ASNSD1: variants seen among roughly 807,000 people sequenced by gnomAD.
ASNSD1 encodes the protein asparagine synthetase domain-containing protein 1.
In ASNSD1, 36 loss-of-function variants were observed where a neutral mutation model predicts 48.3. That is an observed-to-expected ratio of 0.75 (90% confidence interval 0.57 to 0.99). The LOEUF is 0.99. Ranked by LOEUF, ASNSD1 falls within the 50% of genes least tolerant of loss-of-function variation. The probability of loss-of-function intolerance (pLI) is 0.00; values close to 1 mark genes in which losing one functional copy is unlikely to be tolerated. For synonymous variants in ASNSD1, 257 were observed against 262.1 expected (o/e 0.98, Z 0.19); for missense variants, 714 against 758.2 (o/e 0.94, Z 0.69).
rs778737028 is a variant in ASNSD1 at position 189,667,499 on chromosome 2, T to C, written c.1367T>C (p.Leu456Ser). Residue 456 changes from leucine (L) to serine (S), a missense_variant, in exon 4 of 6, where the codon TTG becomes TCG. By Grantham distance (145) the Leu-to-Ser change is moderately radical (BLOSUM62 -2). Coordinates refer to ENST00000260952, the MANE Select transcript of ASNSD1 (RefSeq NM_019048.4). ...TTAATTCGGCCATTGGATACAGTTT[T>C]GGATGATAGCATTGGCTGTGCAGTC... ...CHLIRPLDTV[L>S]DDSIGCAVWF... 8 of 1,614,196 alleles carry C rather than the reference T, an allele frequency of 5.0e-6. No homozygotes were observed. The highest frequency in any genetic ancestry group is 8.5e-7 in the Non-Finnish European group (1 of 1,180,032).
At chr2:189,661,710 C>T (rs2032669061) in intron 1 of ASNSD1, 100 bp downstream of exon 1, 2 of 398,600 alleles carry the variant, frequency 5.0e-6, no homozygotes, top group African/African-American at 4.1e-5. Context: ...CTGCCTGGGC[C>T]TCGGCTTTGC....
In ASNSD1 at chr2:189,667,869, A is replaced by G. The variant is rs749689388; in HGVS notation, c.1570A>G (p.Met524Val). 8 of 1,614,102 alleles carry G rather than the reference A, an allele frequency of 5.0e-6. No homozygotes were observed. In the Admixed American group the frequency reaches 6.7e-5, roughly 13 times the overall value. Residue 524 changes from methionine (M) to valine (V), a missense_variant, in exon 5 of 6, where the codon ATG becomes GTG. Coordinates refer to ENST00000260952, the MANE Select transcript of ASNSD1 (RefSeq NM_019048.4). ...GLEGLNKEIM[M>V]ELGRISSRNL... ...GGAAGGATTGAATAAGGAAATAATG[A>G]TGGAACTGGGTCGAATTTCTTCTAG...
Position 189,666,032 on chromosome 2 carries a change from C to T in ASNSD1, c.-92-9C>T. ...GTTATTTAATATTTATTCTCCTTCC[C>T]TGCAACAGATATATTGGATGAACTG... On this transcript the variant is annotated splice_polypyrimidine_tract_variant and intron_variant, in intron 3 of 5. Coordinates refer to ENST00000260952, the MANE Select transcript of ASNSD1 (RefSeq NM_019048.4). 1.6e-6 allele frequency: 2 copies of T among 1,279,642 alleles called. No homozygotes were observed. Among genetic ancestry groups the T allele is most frequent in the Non-Finnish European group, 2.1e-6 (2 of 943,128 alleles). 79.3% of individuals were successfully genotyped at this position (1,279,642 alleles called of 1,614,324 possible).
Position 189,666,778 on chromosome 2 carries a change from A to T in ASNSD1, c.646A>T (p.Ser216Cys), listed in dbSNP as rs2032815523. The T allele has an allele frequency of 6.2e-7, 1 of 1,613,830 alleles. No homozygotes were observed. The highest frequency in any genetic ancestry group is 1.7e-5 in the Admixed American group (1 of 60,004). The change falls in exon 4 of 6, where the codon AGT becomes TGT. Residue 216 changes from serine (S) to cysteine (C), a missense_variant. Transcript: ENST00000260952. ...TATTGAAGAAAATGTTAATAGCCTG[A>T]GTCAAATTTCAGCAGACTTACCAGC... is the stretch of plus-strand genomic sequence containing the variant. ...NIIEENVNSL[S>C]QISADLPAFV...
Position 189,667,305 on chromosome 2 carries a change from T to A in ASNSD1, c.1173T>A (p.Ala391=), listed in dbSNP as rs777339697. 1.2e-6 allele frequency: 2 copies of A among 1,614,186 alleles called. No homozygotes were observed. Among genetic ancestry groups the A allele is most frequent in the South Asian group, 1.1e-5 (1 of 91,086 alleles). ...AAGAATTCTCTAAAGATGTTGCTGC[T>A]GCTGCTGCTGACAGTCCTAATAAAC... ...PSEEFSKDVA[A]AAADSPNKHV... The change falls in exon 4 of 6, where the codon GCT becomes GCA. Residue 391 remains alanine (A), a synonymous_variant. Transcript: ENST00000260952.
Position 189,661,500 on chromosome 2 carries a change from C to T in ASNSD1, c.-333C>T. On this transcript the variant is annotated 5_prime_UTR_variant, in exon 1 of 6. Coordinates refer to ENST00000260952, the MANE Select transcript of ASNSD1 (RefSeq NM_019048.4). ...GCTCCTTCAGGGCTGAGCCATCCCG[C>T]GTGTCTTGCGCTCGGTGGAAATGCC... The T allele has an allele frequency of 2.5e-6, 1 of 399,214 alleles. No individual in the cohort carries two copies. The allele number at this position is 399,214 out of a possible 1,614,324, so 24.7% of individuals were successfully genotyped here.
Position 189,667,365 on chromosome 2 carries a change from G to A in ASNSD1, c.1233G>A (p.Ala411=), listed in dbSNP as rs766811766. ...TACCAGATCGAATCACAGGAAGGGC[G>A]GGACTAAAGGAACTACAAGCTGTTA... ...VSVPDRITGR[A]GLKELQAVSP... The change falls in exon 4 of 6, where the codon GCG becomes GCA. Residue 411 remains alanine, a synonymous_variant. Coordinates refer to ENST00000260952, the MANE Select transcript of ASNSD1 (RefSeq NM_019048.4). 5.0e-6 allele frequency: 8 copies of A among 1,613,978 alleles called. No individual in the cohort carries two copies. The highest frequency in any genetic ancestry group is 2.7e-5 in the African/African-American group (2 of 74,908).
At chr2:189,665,629 T>C (rs1050403115) in intron 3 of ASNSD1, among the ~76,000 whole-genome samples, 178 bp downstream of exon 3, 3 of 127,550 alleles carry the variant, frequency 2.4e-5, no homozygotes, top group South Asian at 2.3e-4. Flanking sequence ...TATATATATA[T>C]ATATATATAT....
rs749463576 is a variant in ASNSD1 at position 189,666,682 on chromosome 2, A to C, written c.550A>C (p.Lys184Gln). Reference protein sequence around the residue: ...PASGLFRIDLKSTVISGCIIL... With the variant: ...PASGLFRIDLQSTVISGCIIL... ...ATCTGGACTTTTCAGAATTGATCTT[A>C]AGTCTACTGTCATTTCCGGATGCAT... The change falls in exon 4 of 6, where the codon AAG becomes CAG. Residue 184 changes from lysine to glutamine, a missense_variant. Transcript: ENST00000260952. 5.0e-6 allele frequency: 8 copies of C among 1,613,376 alleles called. No individual in the cohort carries two copies. Among genetic ancestry groups the C allele is most frequent in the South Asian group, 1.1e-5 (1 of 91,066 alleles).
rs1332228001 is a variant in ASNSD1 at position 189,667,478 on chromosome 2, T to C, written c.1346T>C (p.Ile449Thr). ...KLRRTRICHL[I>T]RPLDTVLDDS... ...AGAAGAACTCGAATATGTCACTTAATTCGGCCATTGGATACAGTTTTGGAT... is the reference window on the plus strand; with the variant it reads ...AGAAGAACTCGAATATGTCACTTAACTCGGCCATTGGATACAGTTTTGGAT... The change falls in exon 4 of 6, where the codon ATT becomes ACT. Residue 449 changes from isoleucine to threonine, a missense_variant. Transcript: ENST00000260952. 6.2e-7 allele frequency: 1 copy of C among 1,614,218 alleles called. No individual in the cohort carries two copies.
Position 189,667,787 on chromosome 2 carries a change from A to C in ASNSD1, c.1488A>C (p.Ala496=). 1 of 1,613,564 alleles carries C rather than the reference A, an allele frequency of 6.2e-7. No homozygotes were observed. Among genetic ancestry groups the C allele is most frequent in the South Asian group, 1.1e-5 (1 of 90,906 alleles). Residue 496 remains alanine (A), a synonymous_variant, in exon 5 of 6, where the codon GCA becomes GCC. Coordinates refer to ENST00000260952, the MANE Select transcript of ASNSD1 (RefSeq NM_019048.4). ...NAKVVLTGIG[A]DEQLAGYSRH... ...AGGTAGTTCTCACTGGAATTGGTGC[A>C]GATGAGCAACTTGCAGGTTATTCTC... is the stretch of plus-strand genomic sequence containing the variant.
At chr2:189,664,045 A>T (rs41270229) in intron 2 of ASNSD1, 91 bp downstream of exon 2, 1 of 349,950 alleles carries the variant, frequency 2.9e-6, no homozygotes, top group African/African-American at 2.1e-5. Flanking sequence ...ATAAGATTTA[A>T]TCATACTTTA....
intron 2 of ASNSD1, among the ~76,000 whole-genome samples, chr2:189,664,270 C>T (rs4667297): frequency 0.63 from 95,437 of 151,962 alleles, 32,111 homozygotes; most frequent in South Asian, 0.76. Flanking sequence ...TTGATATAAA[C>T]GAACTTTATA....
intron 5 of ASNSD1, 114 bp downstream of exon 5, chr2:189,668,059 C>G: frequency 1.0e-6 from 1 of 981,672 alleles, no homozygotes; most frequent in Non-Finnish European, 1.5e-6. Context: ...ATAAGAGCAG[C>G]AATAATAGCT....
At position 189,661,463 on chromosome 2, in the gene ASNSD1, C is replaced by T. The variant is rs141049165; in HGVS notation, c.-370C>T. On this transcript the variant is annotated 5_prime_UTR_variant, in exon 1 of 6. Coordinates refer to ENST00000260952, the MANE Select transcript of ASNSD1 (RefSeq NM_019048.4). ...GGCTGGAAGCGCGCATGCGCTGTGG[C>T]TAATGCCGTAGGCTCCTTCAGGGCT... 24 of 399,158 alleles carry T rather than the reference C, an allele frequency of 6.0e-5. No individual in the cohort carries two copies. Among genetic ancestry groups the T allele is most frequent in the African/African-American group, 4.5e-4 (22 of 48,768 alleles). The allele number at this position is 399,158 out of a possible 1,614,324, so 24.7% of individuals were successfully genotyped here. A position where few individuals can be genotyped will look rare whatever the true frequency, so the allele number is the denominator to read the frequency against.
In ASNSD1 at chr2:189,667,802, AG is replaced by A. The variant is rs772205921; in HGVS notation, c.1505del (p.Gly502ValfsTer17). On this transcript the variant is annotated frameshift_variant, in exon 5 of 6. Transcript: ENST00000260952. LOFTEE classifies it high-confidence loss of function. Reference protein sequence around the residue: ...TGIGADEQLAGYSRHRVRFQS... With the variant: ...TGIGADEQLAXYSRHRVRFQS... ...GAATTGGTGCAGATGAGCAACTTGCAGGTTATTCTCGTCATCGTGTCCGCTT... is the reference window on the plus strand; with the variant it reads ...GAATTGGTGCAGATGAGCAACTTGCAGTTATTCTCGTCATCGTGTCCGCTT... 11 of 1,613,658 alleles carry A rather than the reference AG, an allele frequency of 6.8e-6. No homozygotes were observed. The highest frequency in any genetic ancestry group is 8.5e-6 in the Non-Finnish European group (10 of 1,179,940).
In ASNSD1 at chr2:189,667,924, G is replaced by A. The variant is rs759471057; in HGVS notation, c.1625G>A (p.Gly542Asp). The A allele has an allele frequency of 6.2e-7, 1 of 1,609,988 alleles. No homozygotes were observed. Among genetic ancestry groups the A allele is most frequent in the Non-Finnish European group, 8.5e-7 (1 of 1,178,940 alleles). ...RNLGRDDRVIGDHGKEARFPF... is the reference protein window; with the variant it reads ...RNLGRDDRVIDDHGKEARFPF... ...CTTGGTCGTGATGACAGAGTTATTG[G>A]TGATCATGGAAAAGAAGCAAGGTAA... The change falls in exon 5 of 6, where the codon GGT becomes GAT. Residue 542 changes from glycine (G) to aspartate (D), a missense_variant. By Grantham distance (94) the Gly-to-Asp change is moderately conservative. Coordinates refer to ENST00000260952, the MANE Select transcript of ASNSD1 (RefSeq NM_019048.4).
chr2:189,663,045 A>C (rs2032704514), intron 1 of ASNSD1, among the ~76,000 whole-genome samples: 1 of 151,792 alleles, frequency 6.6e-6, no homozygotes, highest in Non-Finnish European at 1.5e-5. Context: ...GGAACATGAT[A>C]GGTCTTACTG....
chr2:189,669,519 G>A (rs1003772981), intron 5 of ASNSD1, among the ~76,000 whole-genome samples: 1 of 152,210 alleles, frequency 6.6e-6, no homozygotes, highest in East Asian at 1.9e-4. Context: ...TAACAGTAGT[G>A]TGTTGATTTG....
Sources: allele counts gnomAD v4.1 joint callset (sites outside exome capture counted in the v4.1 genomes callset), GRCh38; gene constraint gnomAD v4.1.1; transcripts MANE v1.5; gene names NCBI Gene and HGNC (gene_info 2026-07-23, HGNC 2026-07-21).